HEBP1: variants seen among roughly 807,000 people sequenced by gnomAD.
The protein encoded by HEBP1 is heme-binding protein 1.
Under a neutral mutation model 20.4 loss-of-function variants are expected in HEBP1, and 13 were observed. The ratio of observed to expected loss-of-function variants is 0.64; its 90% CI spans 0.42 to 1.01. The LOEUF is 1.01. HEBP1 is among the 50% of genes least tolerant of loss of function. The pLI is 0.00. For missense variants in HEBP1, 241 were observed against 247.3 expected (o/e 0.97, Z 0.17); for synonymous variants, 92 against 90.7 (o/e 1.01, Z -0.08).
chr12:12,988,905 G>A (rs1241042706), intron 2 of HEBP1, among the ~76,000 whole-genome samples: 1 of 152,152 alleles, frequency 6.6e-6, no homozygotes, highest in Non-Finnish European at 1.5e-5. Flanking sequence ...GCCTGATGCT[G>A]GCCTTGCGTT....
intron 1 of HEBP1, among the ~76,000 whole-genome samples, chr12:12,992,679 C>T (rs3782567): frequency 0.38 from 58,089 of 152,048 alleles, 13,567 homozygotes; most frequent in Non-Finnish European, 0.53. Flanking sequence ...GTGAATCTGA[C>T]ACTTCCAAAG....
At position 13,000,031 on chromosome 12, in the gene HEBP1, G is replaced by A; in HGVS notation, c.78+6C>T. Reference sequence around the variant, plus strand: ...CTTCAGGTCCTCGGCAGCCCTGCGGGCCTACCTTGTCCCCTTTGCTTAGGA... The same window carrying A: ...CTTCAGGTCCTCGGCAGCCCTGCGGACCTACCTTGTCCCCTTTGCTTAGGA... On this transcript the variant is annotated splice_donor_region_variant and intron_variant, in intron 1 of 3. Transcript: ENST00000014930. The A allele has an allele frequency of 1.2e-6, 2 of 1,603,708 alleles. No homozygotes were observed. Among genetic ancestry groups the A allele is most frequent in the Admixed American group, 1.7e-5 (1 of 59,610 alleles).
rs1197777323 is a variant in HEBP1, at chr12:12,998,853, C to T, written c.78+1184G>A. On this transcript the variant is annotated intron_variant, in intron 1 of 3. Transcript: ENST00000014930. This position sits in a 1 kb window ranked among gnomAD's most constrained non-coding sequence, Gnocchi z 4.2. The stretch of plus-strand genomic sequence containing the variant: ...GTTTTCAGGGGTGCAGTCCAGTTAG[C>T]CCATGTTAGCACTGATATAAATTTG... Among the ~76,000 whole-genome samples, 1 of 152,194 alleles carries T rather than the reference C, an allele frequency of 6.6e-6. No homozygotes were observed. Among genetic ancestry groups the T allele is most frequent in the Admixed American group, 6.5e-5 (1 of 15,284 alleles).
At chr12:12,978,824 TAGG>T (rs1864035789) in intron 3 of HEBP1, 2 of 152,128 alleles carry the variant, frequency 1.3e-5, no homozygotes, top group Non-Finnish European at 2.9e-5. Context: ...GGGGCAGCTG[TAGG>T]GGTGTTCATG....
At chr12:12,991,216 C>A (rs1864221592) in intron 1 of HEBP1, among the ~76,000 whole-genome samples, 1 of 152,198 alleles carries the variant, frequency 6.6e-6, no homozygotes, top group South Asian at 2.1e-4. Flanking sequence ...CGCCTGGCCT[C>A]TGCTGTTGAT....
chr12:12,975,275 C>T lies in HEBP1; in HGVS notation c.*33G>A, dbSNP rs1175207788. ...CCCCGAGGAAGGAGACACAGAGGCA[C>T]ACTTCCAGTAAGTTCTTGGTTCAGT... is the stretch of plus-strand genomic sequence containing the variant. On this transcript the variant is annotated 3_prime_UTR_variant, in exon 4 of 4. Transcript: ENST00000014930. 1.9e-6 allele frequency: 3 copies of T among 1,605,494 alleles called. No homozygotes were observed. Among genetic ancestry groups the T allele is most frequent in the Non-Finnish European group, 2.6e-6 (3 of 1,174,288 alleles).
chr12:12,981,273 T>C (rs544131703), intron 3 of HEBP1, among the ~76,000 whole-genome samples: 1 of 152,232 alleles, frequency 6.6e-6, no homozygotes, highest in Admixed American at 6.5e-5. Flanking sequence ...TGCGTTGTGT[T>C]TTGGACATGC....
At position 13,000,223 on chromosome 12, in the gene HEBP1, A is replaced by AGGGCGGCAGGGCGGCC; in HGVS notation, c.-110_-109insGGCCGCCCTGCCGCCC. On this transcript the variant is annotated 5_prime_UTR_variant, in exon 1 of 4. Transcript: ENST00000014930. The stretch of plus-strand genomic sequence containing the variant: ...CAGGGCGGCAGGGCGGCAGGGCGGC[A>AGGGCGGCAGGGCGGCC]GGGCGGCAGGGTGGCAGGGCGGCAA... 2.5e-6 allele frequency: 1 copy of AGGGCGGCAGGGCGGCC among 394,796 alleles called. No homozygotes were observed. The highest frequency in any genetic ancestry group is 4.5e-6 in the Non-Finnish European group (1 of 221,250). 24.5% of individuals were successfully genotyped at this position (394,796 alleles called of 1,614,324 possible). A position where few individuals can be genotyped will look rare whatever the true frequency, so the allele number is the denominator to read the frequency against.
At chr12:12,990,346 AAAT>A (rs1296495724) in intron 1 of HEBP1, among the ~76,000 whole-genome samples, 4 of 112,306 alleles carry the variant, frequency 3.6e-5, no homozygotes, top group African/African-American at 8.2e-5. Flanking sequence ...TTAAAAAAAA[AAAT>A]TTTTTTTTTT....
At position 12,996,174 on chromosome 12, in the gene HEBP1, T is replaced by G. The variant is rs1864286690; in HGVS notation, c.78+3863A>C. On this transcript the variant is annotated intron_variant, in intron 1 of 3. Coordinates refer to ENST00000014930, the MANE Select transcript of HEBP1 (RefSeq NM_015987.5). The surrounding 1 kb of genome is among the most constrained non-coding windows in gnomAD (Gnocchi z 4.1). ...TTTCTCCAATAACCCTGTGAAGAAG[T>G]TAGGGCTTTAATCTTCATTTTCAGA... Among the ~76,000 whole-genome samples the G allele has an allele frequency of 6.6e-6, 1 of 152,218 alleles. No individual in the cohort carries two copies. The highest frequency in any genetic ancestry group is 1.5e-5 in the Non-Finnish European group (1 of 68,038).
In HEBP1 at chr12:12,986,052, G is replaced by C. The variant is rs904588599; in HGVS notation, c.398+1100C>G. 1 of 152,156 alleles carries C rather than the reference G, an allele frequency of 6.6e-6. No individual in the cohort carries two copies. The highest frequency in any genetic ancestry group is 2.4e-5 in the African/African-American group (1 of 41,428). 9.4% of individuals were successfully genotyped at this position (152,156 alleles called of 1,614,324 possible). A position where few individuals can be genotyped will look rare whatever the true frequency, so the allele number is the denominator to read the frequency against. On this transcript the variant is annotated intron_variant, in intron 3 of 3. Transcript: ENST00000014930. The surrounding 1 kb of genome is among the most constrained non-coding windows in gnomAD (Gnocchi z 4.3). ...TGCTTCCTTAAATGCTGCACCCAAG[G>C]TGCATCTCCACCCTAGGAAAAGATA...
In HEBP1 at chr12:12,996,471, T is replaced by C. The variant is rs775025118; in HGVS notation, c.78+3566A>G. The stretch of plus-strand genomic sequence containing the variant: ...CGGCAGCACTGGCCTCCCTGCCAAG[T>C]ACTTGGAATCAGTCCCCAACATCTG... On this transcript the variant is annotated intron_variant, in intron 1 of 3. Transcript: ENST00000014930. The surrounding 1 kb of genome is among the most constrained non-coding windows in gnomAD (Gnocchi z 4.1). Among the ~76,000 whole-genome samples, 2 of 152,194 alleles carry C rather than the reference T, an allele frequency of 1.3e-5. No homozygotes were observed. Among genetic ancestry groups the C allele is most frequent in the Non-Finnish European group, 2.9e-5 (2 of 68,024 alleles).
chr12:12,987,612 T>TCTCTCTCTTTC (rs1230851526), intron 2 of HEBP1, among the ~76,000 whole-genome samples: 1 of 117,786 alleles, frequency 8.5e-6, no homozygotes. Context: ...CTCTCTCTCT[T>TCTCTCTCTTTC]TCTCTCTCTC....
At chr12:12,982,973 C>A (rs1196829962) in intron 3 of HEBP1, among the ~76,000 whole-genome samples, 1 of 152,020 alleles carries the variant, frequency 6.6e-6, no homozygotes, top group Non-Finnish European at 1.5e-5. Flanking sequence ...GTACTCATGC[C>A]CATCTTACAG....
At chr12:12,995,803 A>G (rs1864281903) in intron 1 of HEBP1, among the ~76,000 whole-genome samples, 1 of 152,236 alleles carries the variant, frequency 6.6e-6, no homozygotes, top group Non-Finnish European at 1.5e-5. Context: ...GGAACACAAT[A>G]GTAGCCCTCC....
chr12:12,991,446 A>G (rs1864224835), intron 1 of HEBP1, among the ~76,000 whole-genome samples: 1 of 152,060 alleles, frequency 6.6e-6, no homozygotes, highest in African/African-American at 2.4e-5. Flanking sequence ...CTCTTTTCAC[A>G]CAAATCCTTC....
intron 1 of HEBP1, among the ~76,000 whole-genome samples, chr12:12,992,880 TCTAA>T (rs1408830745): frequency 6.6e-6 from 1 of 152,184 alleles, no homozygotes; most frequent in African/African-American, 2.4e-5. Context: ...GTTTACCTAA[TCTAA>T]CTAATTTTAT....
At position 12,998,466 on chromosome 12, in the gene HEBP1, G is replaced by C. The variant is rs1864317072; in HGVS notation, c.78+1571C>G. On this transcript the variant is annotated intron_variant, in intron 1 of 3. Coordinates refer to ENST00000014930, the MANE Select transcript of HEBP1 (RefSeq NM_015987.5). The surrounding 1 kb of genome is among the most constrained non-coding windows in gnomAD (Gnocchi z 4.2). ...GGGACCTGAGTTCACTCTCTGATTTGCCTCAGTCCCCACTATGCCTTATAG... is the reference window on the plus strand; with the variant it reads ...GGGACCTGAGTTCACTCTCTGATTTCCCTCAGTCCCCACTATGCCTTATAG... Among the ~76,000 whole-genome samples the C allele has an allele frequency of 6.6e-6, 1 of 152,148 alleles. No individual in the cohort carries two copies. The highest frequency in any genetic ancestry group is 2.4e-5 in the African/African-American group (1 of 41,440).
At chr12:12,989,172 C>A in intron 2 of HEBP1, 105 bp downstream of exon 2, 1 of 1,227,572 alleles carries the variant, frequency 8.1e-7, no homozygotes, top group South Asian at 1.3e-5. Flanking sequence ...TGAAACAGGT[C>A]ACTACAGGTG....
Sources: gnomAD v4.1 joint callset for allele counts (sites outside exome capture counted in the v4.1 genomes callset) on GRCh38, gnomAD v4.1.1 for gene constraint, Gnocchi (gnomAD v3.1) non-coding constraint, MANE v1.5 for transcripts, NCBI Gene and HGNC (gene_info 2026-07-23, HGNC 2026-07-21) for gene names.